The following EDIL3 variants were observed in gnomAD, a reference collection of about 807,000 sequenced individuals.
The protein encoded by EDIL3 is EGF-like repeat and discoidin I-like domain-containing protein 3.
Under a neutral mutation model 67.4 loss-of-function variants are expected in EDIL3, and 37 were observed. The observed-to-expected ratio is 0.55, with a 90% CI of 0.42 to 0.72. The LOEUF (loss-of-function observed/expected upper bound fraction) is 0.72, where lower values mean the gene tolerates loss of function less well. EDIL3 is among the 30% of genes least tolerant of loss of function. The pLI is 0.00. For synonymous variants in EDIL3, 195 were observed against 196.3 expected (o/e 0.99, Z 0.05); for missense variants, 527 against 586.3 (o/e 0.90, Z 1.04).
chr5:84,169,707 T>C (rs1748778103), intron 4 of EDIL3, among the ~76,000 whole-genome samples: 1 of 151,568 alleles, frequency 6.6e-6, no homozygotes. Flanking sequence ...TAAGTTGTTG[T>C]ATGTATCAAT....
At chr5:84,046,777 A>T (rs969522226) in intron 9 of EDIL3, among the ~76,000 whole-genome samples, 2 of 152,206 alleles carry the variant, frequency 1.3e-5, no homozygotes, top group African/African-American at 4.8e-5. Context: ...ACGAAAATTC[A>T]TTTGCACACA....
chr5:84,370,449 T>C (rs1170907561), intron 1 of EDIL3, among the ~76,000 whole-genome samples: 1 of 152,164 alleles, frequency 6.6e-6, no homozygotes, highest in Non-Finnish European at 1.5e-5. Context: ...CTGGAGCTGA[T>C]GGGAGTAACT....
At chr5:84,274,850 GTAA>G (rs1423656773) in intron 1 of EDIL3, among the ~76,000 whole-genome samples, 1 of 151,804 alleles carries the variant, frequency 6.6e-6, no homozygotes, top group East Asian at 1.9e-4. Flanking sequence ...AATCAGAGAG[GTAA>G]TAATAAAGAA....
At chr5:84,236,680 T>G (rs1182700191) in intron 2 of EDIL3, among the ~76,000 whole-genome samples, 2 of 152,114 alleles carry the variant, frequency 1.3e-5, no homozygotes, top group African/African-American at 4.8e-5. Flanking sequence ...TGTTTTAATT[T>G]TGCACAGTGT....
At chr5:84,021,909 A>G (rs1293819436) in intron 9 of EDIL3, among the ~76,000 whole-genome samples, 2 of 151,998 alleles carry the variant, frequency 1.3e-5, no homozygotes, top group South Asian at 4.1e-4. Flanking sequence ...CCAGTAATAA[A>G]AAGTCTCCCA....
At chr5:84,075,424 T>G (rs950992293) in intron 6 of EDIL3, among the ~76,000 whole-genome samples, 1 of 152,162 alleles carries the variant, frequency 6.6e-6, no homozygotes, top group African/African-American at 2.4e-5. Context: ...GGTGATAATC[T>G]GGGGGAAGAT....
At chr5:84,026,927 A>G (rs1745825698) in intron 9 of EDIL3, among the ~76,000 whole-genome samples, 1 of 152,044 alleles carries the variant, frequency 6.6e-6, no homozygotes, top group African/African-American at 2.4e-5. Context: ...CTACTTAAAA[A>G]AATAAAAAAT....
intron 3 of EDIL3, among the ~76,000 whole-genome samples, chr5:84,185,345 T>G (rs933670254): frequency 1.8e-4 from 28 of 152,102 alleles, no homozygotes; most frequent in African/African-American, 6.3e-4. Context: ...TGGGTCACAG[T>G]GTATTAGATA....
intron 3 of EDIL3, among the ~76,000 whole-genome samples, chr5:84,194,971 T>C (rs1743673951): frequency 6.6e-6 from 1 of 151,946 alleles, no homozygotes; most frequent in African/African-American, 2.4e-5. Flanking sequence ...CTGTATTTAA[T>C]ACTATACAGA....
chr5:84,361,325 T>A (rs970686518), intron 1 of EDIL3, among the ~76,000 whole-genome samples: 6 of 151,474 alleles, frequency 4.0e-5, no homozygotes, highest in Non-Finnish European at 8.8e-5. Flanking sequence ...TAAAGCAAGA[T>A]GAATGTCTTG....
chr5:84,188,062 T>C (rs1743501162), intron 3 of EDIL3, among the ~76,000 whole-genome samples: 3 of 152,016 alleles, frequency 2.0e-5, no homozygotes, highest in Non-Finnish European at 4.4e-5. Flanking sequence ...AATGGAAACC[T>C]GAAGATAGAG....
In EDIL3 at chr5:84,161,444, T is replaced by C. The variant is rs549616815; in HGVS notation, c.355+18949A>G. On this transcript the variant is annotated intron_variant, in intron 4 of 10. Coordinates refer to ENST00000296591, the MANE Select transcript of EDIL3 (RefSeq NM_005711.5). ...TTCACCCCAACCAAAGAATGAGCAC[T>C]GGGGTTTCTCATTAAAAAAAGAGCT... 3.3e-5 allele frequency among the ~76,000 whole-genome samples: 5 copies of C among 152,104 alleles called. No homozygotes were observed. In the South Asian group the frequency reaches 1.0e-3, roughly 32 times the overall value.
chr5:84,160,025 T>C (rs1268199663), intron 4 of EDIL3, among the ~76,000 whole-genome samples: 3 of 152,124 alleles, frequency 2.0e-5, no homozygotes, highest in African/African-American at 7.2e-5. Context: ...GCAGATTTCT[T>C]TTCAGGCCAA....
At chr5:84,108,475 T>C (rs1306027170) in intron 5 of EDIL3, among the ~76,000 whole-genome samples, 2 of 152,150 alleles carry the variant, frequency 1.3e-5, no homozygotes, top group Non-Finnish European at 2.9e-5. Context: ...GTATACTATA[T>C]CACTTTAGAA....
intron 9 of EDIL3, among the ~76,000 whole-genome samples, chr5:84,009,552 T>C (rs982902934): frequency 6.6e-6 from 1 of 152,228 alleles, no homozygotes. Context: ...CTAACATTAT[T>C]GTCAGGCAAT....
At chr5:84,321,404 G>A (rs1043659529) in intron 1 of EDIL3, among the ~76,000 whole-genome samples, 7 of 152,102 alleles carry the variant, frequency 4.6e-5, no homozygotes, top group Non-Finnish European at 8.8e-5. Context: ...AGCATTCTGG[G>A]GAGATAGTGG....
chr5:84,262,796 G>A lies in EDIL3; in HGVS notation c.68-8584C>T, dbSNP rs552346734. Among the ~76,000 whole-genome samples the A allele has an allele frequency of 1.1e-4, 17 of 148,452 alleles. No individual in the cohort carries two copies. The South Asian group carries it at 2.6e-3, about 23-fold the overall frequency. The stretch of plus-strand genomic sequence containing the variant: ...GGCAATTCTCATGCCTCAGCCTCCT[G>A]ACTAGCTGGGATTACAGGCATGTGC... On this transcript the variant is annotated intron_variant, in intron 1 of 10. Transcript: ENST00000296591.
chr5:84,151,270 C>T (rs1457084056), intron 4 of EDIL3, among the ~76,000 whole-genome samples: 2 of 151,468 alleles, frequency 1.3e-5, no homozygotes, highest in African/African-American at 4.9e-5. Context: ...CACATACACA[C>T]ACACACACAC....
In EDIL3 at chr5:84,319,371, G is replaced by A. The variant is rs1300090223; in HGVS notation, c.67+64937C>T. 2.7e-5 allele frequency among the ~76,000 whole-genome samples: 3 copies of A among 110,416 alleles called. 1 individual carries two copies. The highest frequency in any genetic ancestry group is 6.4e-5 in the African/African-American group (2 of 31,162). The allele number at this position is 110,416 out of a possible 152,430, so 72.4% of individuals were successfully genotyped here. ...CCCAGCTACTCGGGAGGCTGAGGCAGGAGAATGGCGTGAACCCAGAAGGCG... is the reference window on the plus strand; with the variant it reads ...CCCAGCTACTCGGGAGGCTGAGGCAAGAGAATGGCGTGAACCCAGAAGGCG... On this transcript the variant is annotated intron_variant, in intron 1 of 10. Coordinates refer to ENST00000296591, the MANE Select transcript of EDIL3 (RefSeq NM_005711.5).
Sources: gnomAD v4.1 joint callset for allele counts (sites outside exome capture counted in the v4.1 genomes callset) on GRCh38, gnomAD v4.1.1 for gene constraint, MANE v1.5 for transcripts, NCBI Gene and HGNC (gene_info 2026-07-23, HGNC 2026-07-21) for gene names.